DDX27: variants seen among roughly 807,000 people sequenced by gnomAD.
DDX27 encodes the protein DEAD-box helicase 27, also known as probable ATP-dependent RNA helicase DDX27.
Under a neutral mutation model 99.3 loss-of-function variants are expected in DDX27, and 42 were observed. That is an observed-to-expected ratio of 0.42 (90% CI 0.33 to 0.55). The LOEUF is 0.55. Ranked by LOEUF, DDX27 falls within the 20% of genes least tolerant of loss-of-function variation. The pLI is 0.07. For synonymous variants in DDX27, 329 were observed against 353.8 expected (o/e 0.93, Z 0.79); for missense variants, 798 against 976.8 (o/e 0.82, Z 2.44).
At chr20:49,237,222 C>T (rs1269317194) in intron 14 of DDX27, among the ~76,000 whole-genome samples, 1 of 151,976 alleles carries the variant, frequency 6.6e-6, no homozygotes, top group African/African-American at 2.4e-5. Context: ...CCCAGCTATT[C>T]AGAAGGCTGA....
intron 1 of DDX27, 23 bp downstream of exon 1, chr20:49,219,564 T>C (rs375587225): frequency 3.8e-6 from 6 of 1,577,480 alleles, no homozygotes; most frequent in Non-Finnish European, 2.6e-6. Flanking sequence ...TTCTGGTCTT[T>C]GGGTTTCCTT....
At chr20:49,219,641 C>T in intron 1 of DDX27, 100 bp downstream of exon 1, 1 of 1,292,806 alleles carries the variant, frequency 7.7e-7, no homozygotes, top group African/African-American at 1.5e-5. Flanking sequence ...CCTGCCAGCC[C>T]CGGAAGTTTC....
chr20:49,226,014 C>A (rs1979873881), intron 6 of DDX27, among the ~76,000 whole-genome samples: 1 of 152,140 alleles, frequency 6.6e-6, no homozygotes, highest in South Asian at 2.1e-4. Flanking sequence ...GCCTGGAAAA[C>A]TCTTCCAGAA....
At chr20:49,223,484 ATCC>A in intron 4 of DDX27, 51 bp downstream of exon 4, 1 of 1,533,754 alleles carries the variant, frequency 6.5e-7, no homozygotes, top group Non-Finnish European at 8.8e-7. Flanking sequence ...ATCAGAAGGC[ATCC>A]TCCTTTACTT....
At chr20:49,223,562 T>G in intron 4 of DDX27, 129 bp downstream of exon 4, 2 of 703,366 alleles carry the variant, frequency 2.8e-6, no homozygotes, top group Non-Finnish European at 4.2e-6. Context: ...TACATTGAAC[T>G]CCTTTCTTTC....
In DDX27 at chr20:49,236,379, G is replaced by A. The variant is rs1980309370; in HGVS notation, c.1556G>A (p.Arg519Gln). The A allele has an allele frequency of 1.2e-6, 2 of 1,608,968 alleles. No homozygotes were observed. Among genetic ancestry groups the A allele is most frequent in the African/African-American group, 1.3e-5 (1 of 74,748 alleles). Residue 519 changes from arginine (R) to glutamine (Q), a missense_variant, in exon 14 of 21, where the codon CGG (arginine) becomes CAG (glutamine). Physicochemically the swap from Arg to Gln is conservative, Grantham distance 43. This residue lies in a region of DDX27 where 553 missense variants were observed against 727.9 expected (regional missense o/e 0.76). Transcript: ENST00000618172. This position sits in a 1 kb window ranked among gnomAD's most constrained non-coding sequence, Gnocchi z 4.1. ...AATACCATCAAACATTATGTCCACC[G>A]GGTGGGGCGAACAGCACGTGCTGGC... ...MPNTIKHYVH[R>Q]VGRTARAGRA... is the part of the protein sequence containing the mutation.
chr20:49,226,073 C>T (rs770035483), intron 6 of DDX27, among the ~76,000 whole-genome samples: 10 of 152,162 alleles, frequency 6.6e-5, no homozygotes, highest in Non-Finnish European at 1.5e-4. Flanking sequence ...CTCAGTATCC[C>T]TTGCTCAGTG....
rs768548735 is a variant in DDX27 at position 49,223,262 on chromosome 20, T to C, written c.301-6T>C. ...CTCATCACCCTCACTTTAATTTTTT[T>C]CCCAGGATAAAGAAGCCAAGTCTGG... On this transcript the variant is annotated splice_region_variant and splice_polypyrimidine_tract_variant and intron_variant, in intron 3 of 20. Transcript: ENST00000618172. 1 of 1,601,784 alleles carries C rather than the reference T, an allele frequency of 6.2e-7. No homozygotes were observed. The highest frequency in any genetic ancestry group is 1.1e-5 in the South Asian group (1 of 88,870).
chr20:49,223,190 G>A lies in DDX27; in HGVS notation c.301-78G>A, dbSNP rs375022562. The A allele has an allele frequency of 2.0e-4, 299 of 1,491,028 alleles. 3 individuals carry two copies. The East Asian group carries it at 4.7e-3, about 23-fold the overall frequency. The allele number at this position is 1,491,028 out of a possible 1,614,324, so 92.4% of individuals were successfully genotyped here. A position where few individuals can be genotyped will look rare whatever the true frequency, so the allele number is the denominator to read the frequency against. On this transcript the variant is annotated intron_variant, in intron 3 of 20. Transcript: ENST00000618172. The stretch of plus-strand genomic sequence containing the variant: ...ATCCCCACAGCCGTTCATTCAGGCC[G>A]GAGAGCTTCCTATCGCTCTACTTAG...
Position 49,236,329 on chromosome 20 carries a change from C to T in DDX27, c.1510-4C>T. 2 of 1,574,978 alleles carry T rather than the reference C, an allele frequency of 1.3e-6. No homozygotes were observed. Among genetic ancestry groups the T allele is most frequent in the Non-Finnish European group, 8.6e-7 (1 of 1,157,340 alleles). ...AGGCCTGACGTTCATTTTTGACCTT[C>T]TAGGTAATCAACTTCACAATGCCTA... On this transcript the variant is annotated splice_polypyrimidine_tract_variant and splice_region_variant and intron_variant, in intron 13 of 20. Coordinates refer to ENST00000618172, the MANE Select transcript of DDX27 (RefSeq NM_017895.8). The surrounding 1 kb of genome is among the most constrained non-coding windows in gnomAD (Gnocchi z 4.1).
rs758529056 is a variant in DDX27 at position 49,242,016 on chromosome 20, C to T, written c.1992+29C>T. Reference sequence around the variant, plus strand: ...AGTGGCCTCCCTTTTGGAGTTTGGGCCCACTCGGTGGGGTGGGTCAGAGTG... The same window carrying T: ...AGTGGCCTCCCTTTTGGAGTTTGGGTCCACTCGGTGGGGTGGGTCAGAGTG... On this transcript the variant is annotated intron_variant, in intron 17 of 20. Transcript: ENST00000618172. 8.1e-6 allele frequency: 13 copies of T among 1,613,502 alleles called. No individual in the cohort carries two copies. The South Asian group carries it at 8.8e-5, about 11-fold the overall frequency.
intron 2 of DDX27, 68 bp downstream of exon 2, chr20:49,221,666 C>G (rs2146704459): frequency 2.8e-6 from 4 of 1,407,570 alleles, no homozygotes; most frequent in Non-Finnish European, 3.9e-6. Context: ...GTTTCAGGGC[C>G]TAGCCCTGAC....
chr20:49,226,857 C>CTTTTTTTTTTTT lies in DDX27; in HGVS notation c.706+334_706+345dup, dbSNP rs36048579. 4.9e-4 allele frequency among the ~76,000 whole-genome samples: 31 copies of CTTTTTTTTTTTT among 63,466 alleles called. 4 individuals are homozygous for CTTTTTTTTTTTT. The highest frequency in any genetic ancestry group is 1.4e-3 in the Admixed American group (6 of 4,172). The allele number at this position is 63,466 out of a possible 152,430, so 41.6% of individuals were successfully genotyped here. On this transcript the variant is annotated intron_variant, in intron 7 of 20. Coordinates refer to ENST00000618172, the MANE Select transcript of DDX27 (RefSeq NM_017895.8). ...CTGGTGCAATTGAGAGAGTAAAGGA[C>CTTTTTTTTTTTT]TTTTTTTTTTTTTTTTTTTTTTTGA... is the stretch of plus-strand genomic sequence containing the variant.
chr20:49,239,649 C>T (rs182066714), intron 16 of DDX27, among the ~76,000 whole-genome samples: 5 of 152,312 alleles, frequency 3.3e-5, no homozygotes, highest in Admixed American at 6.5e-5. Flanking sequence ...CCAATGCTCA[C>T]GTCCTGCTGT....
intron 7 of DDX27, 36 bp downstream of exon 7, chr20:49,226,571 T>TTA: frequency 6.5e-7 from 1 of 1,535,550 alleles, no homozygotes; most frequent in Non-Finnish European, 9.0e-7. Flanking sequence ...GGCAGAAGGG[T>TTA]GTTACGGCCA....
intron 9 of DDX27, 124 bp downstream of exon 9, chr20:49,230,473 G>A (rs981080507): frequency 7.0e-6 from 8 of 1,149,264 alleles, no homozygotes; most frequent in Non-Finnish European, 8.4e-6. Flanking sequence ...TGCGATACCA[G>A]ATCAGCCACT....
At chr20:49,222,814 A>G in intron 2 of DDX27, 143 bp from the exon 3 acceptor site, 1 of 431,128 alleles carries the variant, frequency 2.3e-6, no homozygotes, top group Non-Finnish European at 3.9e-6. Flanking sequence ...CGCCCGGCCT[A>G]AAATTTTTAT....
chr20:49,240,164 T>C (rs1279201815), intron 16 of DDX27, among the ~76,000 whole-genome samples: 1 of 152,234 alleles, frequency 6.6e-6, no homozygotes, highest in Admixed American at 6.5e-5. Flanking sequence ...GTGGTGATGG[T>C]TGTACAATGT....
chr20:49,234,738 ACTCT>A (rs1980248046), intron 11 of DDX27, 193 bp from the exon 12 acceptor site: 1 of 541,020 alleles, frequency 1.8e-6, no homozygotes, highest in South Asian at 3.3e-5. Flanking sequence ...TCGTCCCTGC[ACTCT>A]CTCTCACAGC....
Sources: allele counts gnomAD v4.1 joint callset (sites outside exome capture counted in the v4.1 genomes callset), GRCh38; gene constraint gnomAD v4.1.1; regional missense constraint gnomAD v4.1.1; non-coding constraint Gnocchi (gnomAD v3.1); transcripts MANE v1.5; gene names NCBI Gene and HGNC (gene_info 2026-07-23, HGNC 2026-07-21).